The following ZNF253 variants were observed in gnomAD, a reference collection of about 807,000 sequenced individuals.
ZNF253 encodes the protein zinc finger protein 253.
Under a neutral mutation model 11.9 loss-of-function variants are expected in ZNF253, and 8 were observed. The observed-to-expected ratio is 0.67, with a 90% CI of 0.40 to 1.22. The LOEUF (loss-of-function observed/expected upper bound fraction) is 1.22, where lower values mean the gene tolerates loss of function less well. ZNF253 is among the 50% of genes most tolerant of loss of function. The probability of loss-of-function intolerance (pLI) is 0.01; values close to 1 mark genes in which losing one functional copy is unlikely to be tolerated. For synonymous variants in ZNF253, 194 were observed against 194.9 expected, an observed-to-expected ratio of 1.00 and a Z score of 0.04; for missense variants, 485 against 586.9, an observed-to-expected ratio of 0.83 and a Z score of 1.79.
intron 1 of ZNF253, among the ~76,000 whole-genome samples, chr19:19,874,950 A>C (rs751449523): frequency 2.6e-5 from 4 of 152,174 alleles, no homozygotes; most frequent in Non-Finnish European, 4.4e-5. Context: ...CTGAGATTTA[A>C]GTTTCTTTTA....
Position 19,892,470 on chromosome 19 carries a change from C to T in ZNF253, c.1223C>T (p.Pro408Leu). Residue 408 changes from proline (P) to leucine (L), a missense_variant, in exon 4 of 4, where the codon CCC becomes CTC. Physicochemically the swap from Pro to Leu is moderately conservative, Grantham distance 98. Transcript: ENST00000589717. The part of the protein sequence containing the change: ...CDECGKTFTW[P>L]SILSKHKRTH... ...GAATGTGGCAAAACCTTTACCTGGC[C>T]CTCAATCCTCTCCAAACATAAAAGA... 6.2e-7 allele frequency: 1 copy of T among 1,613,440 alleles called. No individual in the cohort carries two copies. Among genetic ancestry groups the T allele is most frequent in the Non-Finnish European group, 8.5e-7 (1 of 1,179,864 alleles).
intron 3 of ZNF253, 82 bp downstream of exon 3, chr19:19,880,228 T>C (rs750908256): frequency 1.8e-6 from 2 of 1,092,632 alleles, no homozygotes; most frequent in Non-Finnish European, 2.6e-6. Flanking sequence ...CTTTAAAATG[T>C]GATTCTGGAA....
chr19:19,874,591 A>C (rs1247112416), intron 1 of ZNF253, among the ~76,000 whole-genome samples: 3 of 151,924 alleles, frequency 2.0e-5, no homozygotes, highest in Non-Finnish European at 4.4e-5. Context: ...TATAAAGTTG[A>C]CAGGGCGGTG....
At chr19:19,869,341 T>G (rs1319551136) in intron 1 of ZNF253, among the ~76,000 whole-genome samples, 1 of 152,132 alleles carries the variant, frequency 6.6e-6, no homozygotes, top group Non-Finnish European at 1.5e-5. Flanking sequence ...TGTGTAGGGT[T>G]TGTAGGCAAA....
rs1474982739 is a variant in ZNF253, at chr19:19,891,664, C to G, written c.417C>G (p.Thr139=). 1 of 1,613,992 alleles carries G rather than the reference C, an allele frequency of 6.2e-7. No individual in the cohort carries two copies. The highest frequency in any genetic ancestry group is 8.5e-7 in the Non-Finnish European group (1 of 1,179,982). ...YNGLNQCLTT[T]QKEIFQCDKY... ...GACTTAACCAATGTTTGACAACTAC[C>G]CAGAAAGAAATATTTCAATGTGATA... The change falls in exon 4 of 4, where the codon ACC becomes ACG. Residue 139 remains threonine (T), a synonymous_variant. Transcript: ENST00000589717.
chr19:19,878,510 A>G lies in ZNF253; in HGVS notation c.33A>G (p.Ile11Met). The part of the protein sequence containing the change: MGPLQFRDVA[I>M]EFSLEEWHCL... ...CATTGCAATTTAGAGATGTGGCCAT[A>G]GAATTCTCTCTGGAGGAGTGGCATT... The change falls in exon 2 of 4, where the codon ATA becomes ATG. Residue 11 changes from isoleucine to methionine, a missense_variant. Physicochemically the swap from Ile to Met is conservative, Grantham distance 10. Coordinates refer to ENST00000589717, the MANE Select transcript of ZNF253 (RefSeq NM_021047.3). 6.2e-7 allele frequency: 1 copy of G among 1,614,050 alleles called. No homozygotes were observed. Among genetic ancestry groups the G allele is most frequent in the Non-Finnish European group, 8.5e-7 (1 of 1,179,984 alleles).
intron 1 of ZNF253, 93 bp downstream of exon 1, chr19:19,866,092 C>A: frequency 6.5e-7 from 1 of 1,538,074 alleles, no homozygotes; most frequent in Non-Finnish European, 9.0e-7. Flanking sequence ...TCACAGTCAG[C>A]TCCACAATCT....
Position 19,885,248 on chromosome 19 carries a change from TTTC to T in ZNF253, c.226+5105_226+5107del, listed in dbSNP as rs1250150235. 1.7e-4 allele frequency among the ~76,000 whole-genome samples: 11 copies of T among 65,656 alleles called. 1 individual carries two copies. The African/African-American group carries it at 1.8e-3, about 11-fold the overall frequency. 43.1% of individuals were successfully genotyped at this position (65,656 alleles called of 152,430 possible). On this transcript the variant is annotated intron_variant, in intron 3 of 3. Coordinates refer to ENST00000589717, the MANE Select transcript of ZNF253 (RefSeq NM_021047.3). ...CTTTCTTTCTTTCTTTCTTTCTTTC[TTTC>T]TTTCTTTCTTTCTTTCTTTCTTTCT...
intron 3 of ZNF253, among the ~76,000 whole-genome samples, chr19:19,886,667 C>G (rs2063207586): frequency 6.6e-6 from 1 of 152,178 alleles, no homozygotes; most frequent in Non-Finnish European, 1.5e-5. Flanking sequence ...TCCAGTTACT[C>G]TTTACCTTCC....
At chr19:19,871,410 A>G (rs1306154336) in intron 1 of ZNF253, 1 of 152,220 alleles carries the variant, frequency 6.6e-6, no homozygotes, top group African/African-American at 2.4e-5. Context: ...ACTAGCATTC[A>G]GGAGAAAGCA....
At chr19:19,889,621 C>T (rs1314452782) in intron 3 of ZNF253, among the ~76,000 whole-genome samples, 2 of 152,042 alleles carry the variant, frequency 1.3e-5, no homozygotes, top group Admixed American at 1.3e-4. Context: ...GCTGGGATTA[C>T]AGGCATGAGC....
At chr19:19,874,452 A>G (rs1419377407) in intron 1 of ZNF253, among the ~76,000 whole-genome samples, 1 of 152,068 alleles carries the variant, frequency 6.6e-6, no homozygotes, top group African/African-American at 2.4e-5. Flanking sequence ...TGAACCTAGG[A>G]GGCGGAGGTT....
intron 3 of ZNF253, among the ~76,000 whole-genome samples, chr19:19,881,645 A>G (rs2063178149): frequency 8.5e-6 from 1 of 117,344 alleles, no homozygotes; most frequent in African/African-American, 4.3e-5. Flanking sequence ...CTAGACTCCT[A>G]CTCAAAAAAA....
rs2063245176 is a variant in ZNF253 at position 19,894,211 on chromosome 19, A to C, written c.*1464A>C. The C allele has an allele frequency of 6.6e-6, 1 of 152,240 alleles. No individual in the cohort carries two copies. Among genetic ancestry groups the C allele is most frequent in the Admixed American group, 6.5e-5 (1 of 15,282 alleles). The allele number at this position is 152,240 out of a possible 1,614,324, so 9.4% of individuals were successfully genotyped here. A position where few individuals can be genotyped will look rare whatever the true frequency, so the allele number is the denominator to read the frequency against. ...TTTTTAAAAAGTGGATTTTTGAAGC[A>C]CTGTAATTACATTGAAAGTATACTT... is the stretch of plus-strand genomic sequence containing the variant. On this transcript the variant is annotated 3_prime_UTR_variant, in exon 4 of 4. Transcript: ENST00000589717.
intron 1 of ZNF253, 68 bp downstream of exon 1, chr19:19,866,067 C>A (rs2063109635): frequency 6.2e-7 from 1 of 1,601,684 alleles, no homozygotes; most frequent in African/African-American, 1.3e-5. Flanking sequence ...GTGGCTCTGG[C>A]GGGACTCTGC....
chr19:19,871,575 G>C (rs779979357), intron 1 of ZNF253, among the ~76,000 whole-genome samples: 2 of 152,192 alleles, frequency 1.3e-5, no homozygotes, highest in African/African-American at 4.8e-5. Context: ...ACTACATCCT[G>C]TTATGAAGAT....
At chr19:19,869,259 A>G (rs1278889001) in intron 1 of ZNF253, among the ~76,000 whole-genome samples, 1 of 152,216 alleles carries the variant, frequency 6.6e-6, no homozygotes, top group East Asian at 1.9e-4. Context: ...AAGCAAGAAC[A>G]GTGCATAAAC....
intron 3 of ZNF253, among the ~76,000 whole-genome samples, chr19:19,885,366 T>TTTCTTTCTTC (rs1568499341): frequency 1.1e-5 from 1 of 94,784 alleles, no homozygotes. Context: ...TCCTTTCTTT[T>TTTCTTTCTTC]CTTTCTTTTC....
At chr19:19,879,609 T>C (rs1476639973) in intron 2 of ZNF253, among the ~76,000 whole-genome samples, 1 of 152,184 alleles carries the variant, frequency 6.6e-6, no homozygotes, top group Non-Finnish European at 1.5e-5. Flanking sequence ...ATCTTACATT[T>C]TAATGTCCTT....
Sources: allele counts gnomAD v4.1 joint callset (sites outside exome capture counted in the v4.1 genomes callset), GRCh38; gene constraint gnomAD v4.1.1; transcripts MANE v1.5; gene names NCBI Gene and HGNC (gene_info 2026-07-23, HGNC 2026-07-21).